The following NEDD4 variants were observed in gnomAD, a reference collection of about 807,000 sequenced individuals.
NEDD4 encodes NEDD4 E3 ubiquitin protein ligase.
In NEDD4, 99 loss-of-function variants were observed where a neutral mutation model predicts 144.9. That is an observed-to-expected ratio of 0.68 (90% CI 0.58 to 0.81). The LOEUF is 0.81. NEDD4 is among the 30% of genes least tolerant of loss of function. NEDD4 has a pLI of 0.00. For synonymous variants in NEDD4, 318 were observed against 350.6 expected, an observed-to-expected ratio of 0.91 and a Z score of 1.04; for missense variants, 985 against 1,065.9, an observed-to-expected ratio of 0.92 and a Z score of 1.06.
At chr15:55,976,834 C>A (rs540454627) in intron 1 of NEDD4, among the ~76,000 whole-genome samples, 4 of 151,964 alleles carry the variant, frequency 2.6e-5, no homozygotes, top group African/African-American at 4.8e-5. Flanking sequence ...GGGGTTTCAC[C>A]GTGTTAGCAA....
chr15:55,949,975 G>A (rs1216187968), intron 4 of NEDD4, among the ~76,000 whole-genome samples: 1 of 151,322 alleles, frequency 6.6e-6, no homozygotes, highest in East Asian at 1.9e-4. Flanking sequence ...AAATACATAT[G>A]TTTCTAAGAA....
chr15:55,916,997 A>T (rs1156277384), intron 5 of NEDD4: 1 of 1,336,638 alleles, frequency 7.5e-7, no homozygotes, highest in African/African-American at 1.5e-5. Context: ...TAGATACCAG[A>T]TATCATAGAA....
intron 18 of NEDD4, 58 bp from the exon 19 acceptor site, chr15:55,842,221 A>C (rs185118422): frequency 5.1e-5 from 71 of 1,402,102 alleles, no homozygotes; most frequent in Non-Finnish European, 5.0e-6. Context: ...TAACAAACCC[A>C]TCTCTCATAA....
intron 2 of NEDD4, among the ~76,000 whole-genome samples, chr15:55,963,067 G>A (rs892596083): frequency 1.3e-5 from 2 of 151,736 alleles, no homozygotes; most frequent in Non-Finnish European, 2.9e-5. Context: ...TTACAGGCGT[G>A]AGCTACCACA....
intron 8 of NEDD4, among the ~76,000 whole-genome samples, chr15:55,869,136 G>T (rs550821525): frequency 8.5e-5 from 13 of 152,150 alleles, no homozygotes; most frequent in African/African-American, 2.9e-4. Flanking sequence ...CTCTTTATTA[G>T]ATCACTTAAA....
chr15:55,980,052 C>G (rs1320379866), intron 1 of NEDD4, among the ~76,000 whole-genome samples: 2 of 152,048 alleles, frequency 1.3e-5, no homozygotes, highest in African/African-American at 4.8e-5. Flanking sequence ...AAGTGATTCT[C>G]CTACCTCAGC....
chr15:55,946,758 T>C (rs1223735329), intron 4 of NEDD4, among the ~76,000 whole-genome samples: 1 of 152,172 alleles, frequency 6.6e-6, no homozygotes, highest in Non-Finnish European at 1.5e-5. Flanking sequence ...TAGTTGGAAG[T>C]AAAGCACTCC....
At chr15:55,968,164 CT>C (rs1162795679) in intron 1 of NEDD4, among the ~76,000 whole-genome samples, 12 of 151,864 alleles carry the variant, frequency 7.9e-5, no homozygotes, top group Non-Finnish European at 1.8e-4. Context: ...TTTCATGGAT[CT>C]TTACAAATAA....
At chr15:55,848,289 TAG>T in intron 17 of NEDD4, 81 bp downstream of exon 17, 1 of 1,311,620 alleles carries the variant, frequency 7.6e-7, no homozygotes, top group Non-Finnish European at 1.1e-6. Flanking sequence ...TCAATGCCTG[TAG>T]GGTTATGCCC....
intron 27 of NEDD4, 36 bp from the exon 28 acceptor site, chr15:55,830,622 C>T (rs1260242298): frequency 6.4e-7 from 1 of 1,574,594 alleles, no homozygotes; most frequent in Admixed American, 1.7e-5. Flanking sequence ...CATTTACTCT[C>T]TACAAGGATC....
At chr15:55,921,317 TATA>T (rs2036564823) in intron 5 of NEDD4, among the ~76,000 whole-genome samples, 2 of 152,054 alleles carry the variant, frequency 1.3e-5, no homozygotes, top group African/African-American at 4.8e-5. Context: ...TGTGGGGATC[TATA>T]ATAACTTTTT....
chr15:55,849,716 G>A (rs1298803062), intron 14 of NEDD4, among the ~76,000 whole-genome samples: 1 of 149,728 alleles, frequency 6.7e-6, no homozygotes, highest in African/African-American at 2.4e-5. Flanking sequence ...TATTAAATAA[G>A]TTTAGTATTA....
chr15:55,958,580 G>A (rs981692826), intron 2 of NEDD4, among the ~76,000 whole-genome samples: 1 of 151,952 alleles, frequency 6.6e-6, no homozygotes, highest in East Asian at 1.9e-4. Context: ...CTAAATGTCT[G>A]ATAGCTGCAT....
chr15:55,990,116 C>T (rs1316537140), intron 1 of NEDD4, among the ~76,000 whole-genome samples: 2 of 151,780 alleles, frequency 1.3e-5, no homozygotes, highest in Admixed American at 1.3e-4. Flanking sequence ...TGCAGGAAAA[C>T]AAGCTCAGGG....
rs181578387 is a variant in NEDD4, at chr15:55,836,586, C to T, written c.2262+1203G>A. Among the ~76,000 whole-genome samples the T allele has an allele frequency of 2.6e-5, 4 of 152,094 alleles. No homozygotes were observed. The East Asian group carries it at 5.8e-4, about 22-fold the overall frequency. On this transcript the variant is annotated intron_variant, in intron 24 of 28. Coordinates refer to ENST00000435532, the MANE Select transcript of NEDD4 (RefSeq NM_006154.4). The stretch of plus-strand genomic sequence containing the variant: ...TGTTGCCCAGGATGGAGTGCAGTGG[C>T]GTAATCTTGGCTCACTGCAACCTCT...
rs202038700 is a variant in NEDD4 at position 55,869,618 on chromosome 15, G to C, written c.468C>G (p.Gly156=). 8.8e-6 allele frequency: 14 copies of C among 1,586,666 alleles called. No individual in the cohort carries two copies. The Admixed American group carries it at 2.3e-4, about 26-fold the overall frequency. The change falls in exon 8 of 29, where the codon GGC becomes GGG. Residue 156 remains glycine (G), a synonymous_variant. Transcript: ENST00000435532. ...LKMTYLPKTS[G]SEDDNAEQAE... is the part of the protein sequence containing the mutation. ...CCTGTTCTGCATTATCATCTTCTGAGCCACTGGTTTTAGGTAAATAAGTCA... is the reference window on the plus strand; with the variant it reads ...CCTGTTCTGCATTATCATCTTCTGACCCACTGGTTTTAGGTAAATAAGTCA...
intron 5 of NEDD4, among the ~76,000 whole-genome samples, chr15:55,888,492 T>C (rs1250443997): frequency 2.0e-5 from 3 of 152,100 alleles, no homozygotes; most frequent in Non-Finnish European, 4.4e-5. Context: ...TGTTCATGGA[T>C]CAGAAGAATC....
At chr15:55,992,527 A>T (rs1272117709) in intron 1 of NEDD4, among the ~76,000 whole-genome samples, 1 of 152,228 alleles carries the variant, frequency 6.6e-6, no homozygotes, top group Non-Finnish European at 1.5e-5. Context: ...TCTTGATAAA[A>T]GGTACATGTG....
intron 5 of NEDD4, chr15:55,915,685 G>A (rs201712441): frequency 1.5e-4 from 242 of 1,613,734 alleles, no homozygotes; most frequent in Non-Finnish European, 1.7e-4. Context: ...GCTGCTTTTC[G>A]TTGGGTGAAA....
Sources: gnomAD v4.1 joint callset for allele counts (sites outside exome capture counted in the v4.1 genomes callset) on GRCh38, gnomAD v4.1.1 for gene constraint, MANE v1.5 for transcripts, NCBI Gene and HGNC (gene_info 2026-07-23, HGNC 2026-07-21) for gene names.